MIPEP: variants seen among roughly 807,000 people sequenced by gnomAD.
The protein encoded by MIPEP is mitochondrial intermediate peptidase.
A neutral mutation model predicts 90.3 loss-of-function variants in MIPEP; 79 were observed. That is an observed-to-expected ratio of 0.87 (90% CI 0.73 to 1.05). MIPEP has a LOEUF of 1.05. MIPEP is among the 50% of genes least tolerant of loss of function. MIPEP has a pLI of 0.00. For missense variants in MIPEP, 940 were observed against 905.6 expected (o/e 1.04, Z -0.49); for synonymous variants, 334 against 315.8 (o/e 1.06, Z -0.61).
intron 14 of MIPEP, among the ~76,000 whole-genome samples, chr13:23,820,496 G>A (rs1566005587): frequency 6.6e-6 from 1 of 152,064 alleles, no homozygotes; most frequent in Non-Finnish European, 1.5e-5. Context: ...AAATGACTTG[G>A]TAAAGCAATT....
chr13:23,837,688 A>G lies in MIPEP; in HGVS notation c.1407T>C (p.Val469=). The change falls in exon 13 of 19, where the codon GTT becomes GTC. Residue 469 remains valine (V), a synonymous_variant. Transcript: ENST00000382172. ...EDGDYQLPVV[V]LMLNLPRSSR... ...AGGAACGGGGAAGATTCAGCATAAG[A>G]ACTACAACTGGGAGTTGATAGTCTC... 1 of 1,614,164 alleles carries G rather than the reference A, an allele frequency of 6.2e-7. No individual in the cohort carries two copies. The highest frequency in any genetic ancestry group is 2.2e-5 in the East Asian group (1 of 44,884).
intron 10 of MIPEP, among the ~76,000 whole-genome samples, chr13:23,857,023 TTTACA>T (rs1870073992): frequency 6.6e-6 from 1 of 151,980 alleles, no homozygotes; most frequent in African/African-American, 2.4e-5. Context: ...ATATATTTAA[TTTACA>T]TTACTCTCCA....
chr13:23,821,481 G>T (rs1390165135), intron 14 of MIPEP, among the ~76,000 whole-genome samples: 4 of 152,136 alleles, frequency 2.6e-5, no homozygotes, highest in Non-Finnish European at 2.9e-5. Context: ...GGCTGTAAGA[G>T]AAGACAGAGC....
At chr13:23,826,938 TAC>T (rs995415663) in intron 14 of MIPEP, among the ~76,000 whole-genome samples, 16 of 152,356 alleles carry the variant, frequency 1.1e-4, no homozygotes, top group Non-Finnish European at 1.8e-4. Context: ...ATCGAACATG[TAC>T]AGACTTTTTT....
intron 16 of MIPEP, among the ~76,000 whole-genome samples, chr13:23,765,566 AC>A (rs1952584343): frequency 6.6e-6 from 1 of 152,162 alleles, no homozygotes; most frequent in Admixed American, 6.5e-5. Flanking sequence ...TAAGCGGAGG[AC>A]CCCTATAAAC....
chr13:23,888,534 T>G (rs1593215179), intron 1 of MIPEP: 1 of 226,656 alleles, frequency 4.4e-6, no homozygotes, highest in Non-Finnish European at 7.3e-6. Flanking sequence ...CTTCCTGGGG[T>G]AAGAAATCAA....
chr13:23,838,537 C>T lies in MIPEP; in HGVS notation c.1339-781G>A, dbSNP rs202038917. On this transcript the variant is annotated intron_variant, in intron 12 of 18. Transcript: ENST00000382172. ...CCAGAATAACTTACTCTGAAACAGG[C>T]ACTACACTGAGACTCACATACACTG... 1.7e-4 allele frequency among the ~76,000 whole-genome samples: 26 copies of T among 152,288 alleles called. No homozygotes were observed. The East Asian group carries it at 3.3e-3, about 19-fold the overall frequency.
intron 14 of MIPEP, among the ~76,000 whole-genome samples, chr13:23,819,812 C>T (rs1953283360): frequency 6.6e-6 from 1 of 151,990 alleles, no homozygotes; most frequent in Admixed American, 6.6e-5. Flanking sequence ...AGTTCAAGAC[C>T]AGCCTGGCCA....
chr13:23,751,640 T>TTCCCC (rs1332117228), intron 18 of MIPEP, among the ~76,000 whole-genome samples: 1 of 152,232 alleles, frequency 6.6e-6, no homozygotes, highest in Non-Finnish European at 1.5e-5. Flanking sequence ...ATCCTTTCCC[T>TTCCCC]TCCCCTCCCC....
At chr13:23,881,087 CA>C (rs756969620) in intron 3 of MIPEP, among the ~76,000 whole-genome samples, 74 of 152,280 alleles carry the variant, frequency 4.9e-4, no homozygotes, top group Non-Finnish European at 7.2e-4. Context: ...ACATTTACCC[CA>C]AAATCACTTT....
At chr13:23,838,848 C>G (rs530779823) in intron 12 of MIPEP, among the ~76,000 whole-genome samples, 1 of 152,196 alleles carries the variant, frequency 6.6e-6, no homozygotes, top group South Asian at 2.1e-4. Context: ...CAAATCATCT[C>G]GGAAAATAAT....
At chr13:23,854,910 AC>A (rs1258959815) in intron 10 of MIPEP, among the ~76,000 whole-genome samples, 3 of 151,586 alleles carry the variant, frequency 2.0e-5, no homozygotes, top group South Asian at 2.1e-4. Flanking sequence ...AGAAAAAAAA[AC>A]AATAAACAAA....
intron 18 of MIPEP, among the ~76,000 whole-genome samples, chr13:23,751,392 G>A (rs1952438750): frequency 1.3e-5 from 2 of 152,214 alleles, no homozygotes; most frequent in Admixed American, 6.5e-5. Flanking sequence ...TCAGTCTGAT[G>A]CGAAAAAACA....
At chr13:23,812,588 G>T (rs1953187650) in intron 14 of MIPEP, among the ~76,000 whole-genome samples, 1 of 152,060 alleles carries the variant, frequency 6.6e-6, no homozygotes, top group Admixed American at 6.6e-5. Flanking sequence ...GACGGGATGG[G>T]CAGTTGGTCG....
At chr13:23,775,218 TC>T (rs1952702728) in intron 16 of MIPEP, among the ~76,000 whole-genome samples, 1 of 152,190 alleles carries the variant, frequency 6.6e-6, no homozygotes, top group East Asian at 1.9e-4. Context: ...TAATTTTATT[TC>T]TTCCTTGTAA....
chr13:23,778,136 GTGTC>G (rs1205884916), intron 16 of MIPEP, among the ~76,000 whole-genome samples: 1 of 152,212 alleles, frequency 6.6e-6, no homozygotes, highest in South Asian at 2.1e-4. Flanking sequence ...TAGCTTTTGA[GTGTC>G]TGAGTTTTTC....
At position 23,877,386 on chromosome 13, in the gene MIPEP, C is replaced by T. The variant is rs181140654; in HGVS notation, c.539+1882G>A. 8.5e-5 allele frequency among the ~76,000 whole-genome samples: 13 copies of T among 152,284 alleles called. No homozygotes were observed. The East Asian group carries it at 2.5e-3, about 29-fold the overall frequency. ...ATTCCAACGTGTGTTACAGCTTTGG[C>T]TGTTCTTGCAACTAGAATTTTCCCT... On this transcript the variant is annotated intron_variant, in intron 4 of 18. Transcript: ENST00000382172.
intron 2 of MIPEP, among the ~76,000 whole-genome samples, chr13:23,886,003 G>A (rs1219547675): frequency 6.6e-6 from 1 of 150,786 alleles, no homozygotes; most frequent in Non-Finnish European, 1.5e-5. Context: ...CATAAATGAA[G>A]AATCTCTGTC....
chr13:23,750,358 C>T (rs9318025), intron 18 of MIPEP, among the ~76,000 whole-genome samples: 2,891 of 152,318 alleles, frequency 0.019, 100 homozygotes, highest in African/African-American at 0.066. Flanking sequence ...GCTGCCGTGT[C>T]TCCTTAGGCT....
Sources: allele counts gnomAD v4.1 joint callset (sites outside exome capture counted in the v4.1 genomes callset), GRCh38; gene constraint gnomAD v4.1.1; transcripts MANE v1.5; gene names NCBI Gene and HGNC (gene_info 2026-07-23, HGNC 2026-07-21).